Variants in NEK11 observed in about 807,000 individuals in gnomAD.
The protein encoded by NEK11 is serine/threonine-protein kinase Nek11.
NEK11 carries 72 observed loss-of-function variants against 80.7 expected under a neutral mutation model. The observed-to-expected ratio is 0.89, with a 90% CI of 0.74 to 1.08. The LOEUF (loss-of-function observed/expected upper bound fraction) is 1.08. NEK11 is among the 50% of genes least tolerant of loss of function. NEK11 has a pLI of 0.00. For missense variants in NEK11, 764 were observed against 763.6 expected (o/e 1.00, Z -0.01); for synonymous variants, 251 against 260.7 (o/e 0.96, Z 0.36).
chr3:131,348,103 A>G (rs1012985886), intron 17 of NEK11, among the ~76,000 whole-genome samples: 1 of 152,156 alleles, frequency 6.6e-6, no homozygotes, highest in African/African-American at 2.4e-5. Flanking sequence ...TCTGTTCTTC[A>G]GAGAAAAGTG....
intron 14 of NEK11, among the ~76,000 whole-genome samples, chr3:131,176,160 A>G (rs1171530316): frequency 1.3e-5 from 2 of 152,178 alleles, no homozygotes; most frequent in South Asian, 2.1e-4. Flanking sequence ...CAGCAGATCT[A>G]AAAGGACCTA....
chr3:131,085,736 A>T (rs1190884568), intron 4 of NEK11, among the ~76,000 whole-genome samples: 4 of 152,232 alleles, frequency 2.6e-5, no homozygotes, highest in African/African-American at 9.7e-5. Flanking sequence ...TTTGCAGTTA[A>T]ATACATTCCC....
Position 131,273,459 on chromosome 3 carries a change from G to C in NEK11, c.1622-19G>C, listed in dbSNP as rs1406986345. 1 of 1,596,610 alleles carries C rather than the reference G, an allele frequency of 6.3e-7. No individual in the cohort carries two copies. The highest frequency in any genetic ancestry group is 1.7e-5 in the Admixed American group (1 of 59,940). On this transcript the variant is annotated intron_variant, in intron 16 of 17. Transcript: ENST00000383366. Reference sequence around the variant, plus strand: ...AGGATTGCTGATGAAGTCAATAAGGGCTGTGCATTGATTTTCAGACACAAA... The same window carrying C: ...AGGATTGCTGATGAAGTCAATAAGGCCTGTGCATTGATTTTCAGACACAAA...
chr3:131,039,707 A>G (rs1215559610), intron 3 of NEK11, among the ~76,000 whole-genome samples: 1 of 152,190 alleles, frequency 6.6e-6, no homozygotes, highest in Non-Finnish European at 1.5e-5. Context: ...GAAATGAGAT[A>G]TGTATATGAC....
At chr3:131,273,599 T>G in intron 17 of NEK11, 25 bp downstream of exon 17, 3 of 1,551,550 alleles carry the variant, frequency 1.9e-6, no homozygotes, top group East Asian at 2.3e-5. Flanking sequence ...GCCTGCCCCC[T>G]AGGAAGGTGC....
At chr3:131,315,358 G>A (rs1032691066) in intron 17 of NEK11, among the ~76,000 whole-genome samples, 1 of 151,952 alleles carries the variant, frequency 6.6e-6, no homozygotes, top group African/African-American at 2.4e-5. Context: ...CGATCATGCA[G>A]TATTTTTCTT....
At chr3:131,326,159 T>G (rs1217248385) in intron 17 of NEK11, 2 of 152,202 alleles carry the variant, frequency 1.3e-5, no homozygotes, top group Non-Finnish European at 2.9e-5. Flanking sequence ...GAAGAATTAA[T>G]CACAAGAATC....
At chr3:131,246,295 A>T (rs2095601642) in intron 16 of NEK11, among the ~76,000 whole-genome samples, 1 of 152,066 alleles carries the variant, frequency 6.6e-6, no homozygotes, top group Non-Finnish European at 1.5e-5. Flanking sequence ...CAAATGTATC[A>T]TTCTTATGCC....
intron 14 of NEK11, among the ~76,000 whole-genome samples, chr3:131,173,725 A>G (rs961865219): frequency 6.6e-6 from 1 of 152,072 alleles, no homozygotes; most frequent in Non-Finnish European, 1.5e-5. Context: ...TGTTATAGCC[A>G]AATTACTCCC....
At chr3:131,205,775 A>C (rs1194356664) in intron 14 of NEK11, among the ~76,000 whole-genome samples, 1 of 152,198 alleles carries the variant, frequency 6.6e-6, no homozygotes, top group Non-Finnish European at 1.5e-5. Flanking sequence ...CTTTCTGATA[A>C]ATAACTTTTA....
chr3:131,253,558 C>T (rs2095749154), intron 16 of NEK11, among the ~76,000 whole-genome samples: 1 of 152,106 alleles, frequency 6.6e-6, no homozygotes, highest in African/African-American at 2.4e-5. Flanking sequence ...TCCTTCCCTA[C>T]AAATGTTTAT....
chr3:131,066,196 G>A (rs938767215), intron 3 of NEK11, among the ~76,000 whole-genome samples: 1 of 152,162 alleles, frequency 6.6e-6, no homozygotes, highest in Non-Finnish European at 1.5e-5. Flanking sequence ...TTCTCCATAA[G>A]CCCATGTGAG....
At chr3:131,166,391 GC>G (rs1560745470) in intron 12 of NEK11, among the ~76,000 whole-genome samples, 1 of 152,326 alleles carries the variant, frequency 6.6e-6, no homozygotes, top group East Asian at 1.9e-4. Context: ...ATGGCTCCAA[GC>G]CCTGGGGCAT....
intron 14 of NEK11, among the ~76,000 whole-genome samples, chr3:131,214,557 G>T (rs2150570333): frequency 6.6e-6 from 1 of 152,270 alleles, no homozygotes; most frequent in South Asian, 2.1e-4. Context: ...GGAAAGAAAA[G>T]TTTCAGGGAA....
chr3:131,301,045 C>T (rs2096655634), intron 17 of NEK11, among the ~76,000 whole-genome samples: 1 of 152,040 alleles, frequency 6.6e-6, no homozygotes, highest in South Asian at 2.1e-4. Context: ...TGTGTAATCT[C>T]TGATTTCTTT....
intron 3 of NEK11, among the ~76,000 whole-genome samples, chr3:131,055,235 G>A (rs1370677179): frequency 1.3e-5 from 2 of 152,222 alleles, no homozygotes; most frequent in African/African-American, 4.8e-5. Context: ...TTAGGAAGTA[G>A]TGTTTACTAT....
At chr3:131,081,101 C>A (rs574536009) in intron 4 of NEK11, among the ~76,000 whole-genome samples, 1 of 152,208 alleles carries the variant, frequency 6.6e-6, no homozygotes, top group East Asian at 1.9e-4. Flanking sequence ...TAGAGTGAGA[C>A]CCTATCTCTA....
rs1384946350 is a variant in NEK11 at position 131,306,231 on chromosome 3, TG to T, written c.1718+32658del. On this transcript the variant is annotated intron_variant, in intron 17 of 17. Coordinates refer to ENST00000383366, the MANE Select transcript of NEK11 (RefSeq NM_024800.5). ...CCTGCCTTGTCTTGTTCTGGTACTT[TG>T]TCTCTTCAAAGTGTGTTTTTTACCT... Among the ~76,000 whole-genome samples the T allele has an allele frequency of 2.6e-5, 4 of 152,362 alleles. No homozygotes were observed. The East Asian group carries it at 7.7e-4, about 29-fold the overall frequency.
chr3:131,244,751 G>A (rs1434189131), intron 16 of NEK11, among the ~76,000 whole-genome samples: 5 of 151,902 alleles, frequency 3.3e-5, no homozygotes, highest in South Asian at 2.1e-4. Flanking sequence ...GCAAGACCCC[G>A]TCTCTAACCA....
Sources: gnomAD v4.1 joint callset for allele counts (sites outside exome capture counted in the v4.1 genomes callset) on GRCh38, gnomAD v4.1.1 for gene constraint, MANE v1.5 for transcripts, NCBI Gene and HGNC (gene_info 2026-07-23, HGNC 2026-07-21) for gene names.